FAM135A: variants seen among roughly 807,000 people sequenced by gnomAD.
FAM135A encodes family with sequence similarity 135 member A, also known as protein FAM135A.
In FAM135A, 79 loss-of-function variants were observed where a neutral mutation model predicts 146.8. The ratio of observed to expected loss-of-function variants is 0.54; its 90% CI spans 0.45 to 0.65. The LOEUF (loss-of-function observed/expected upper bound fraction) is 0.65. FAM135A is among the 30% of genes least tolerant of loss of function. FAM135A has a pLI of 0.00. For synonymous variants in FAM135A, 562 were observed against 603.6 expected (o/e 0.93, Z 1.01); for missense variants, 1,623 against 1,758.2 (o/e 0.92, Z 1.38).
chr6:70,557,073 C>A (rs1800986407), intron 21 of FAM135A: 4 of 570,720 alleles, frequency 7.0e-6, no homozygotes, highest in Non-Finnish European at 6.2e-6. Flanking sequence ...CATCTAATTA[C>A]AAATGCCTCT....
At chr6:70,511,972 G>A (rs368228211) in intron 12 of FAM135A, among the ~76,000 whole-genome samples, 2 of 151,966 alleles carry the variant, frequency 1.3e-5, no homozygotes. Flanking sequence ...TCCTATACGC[G>A]ATCCATCATT....
Position 70,559,714 on chromosome 6 carries a change from A to G in FAM135A, c.4343-2A>G. ...TTTTCCTTTTTTCTGTTGGTTCCAT[A>G]GGACAGATCTATTCAGAAATGATCC... On this transcript the variant is annotated splice_acceptor_variant, in intron 21 of 21. Transcript: ENST00000418814. LOFTEE classifies it high-confidence loss of function. 1 of 1,608,180 alleles carries G rather than the reference A, an allele frequency of 6.2e-7. No individual in the cohort carries two copies. The highest frequency in any genetic ancestry group is 8.5e-7 in the Non-Finnish European group (1 of 1,176,718).
intron 5 of FAM135A, among the ~76,000 whole-genome samples, chr6:70,457,520 C>T (rs1290585448): frequency 6.6e-6 from 1 of 152,164 alleles, no homozygotes; most frequent in East Asian, 1.9e-4. Flanking sequence ...TCAACATTGT[C>T]AGTTTTACCT....
intron 11 of FAM135A, among the ~76,000 whole-genome samples, chr6:70,499,403 A>G (rs1485996938): frequency 6.6e-6 from 1 of 152,168 alleles, no homozygotes; most frequent in African/African-American, 2.4e-5. Flanking sequence ...TCTCTTGAAT[A>G]CAGCACACCA....
chr6:70,450,297 CT>C (rs1442971723), intron 4 of FAM135A, among the ~76,000 whole-genome samples: 4 of 152,032 alleles, frequency 2.6e-5, no homozygotes, highest in African/African-American at 7.2e-5. Context: ...TCTATGTTTG[CT>C]TTTGTTGCCT....
At chr6:70,545,578 T>G (rs1798709208) in intron 20 of FAM135A, among the ~76,000 whole-genome samples, 1 of 151,922 alleles carries the variant, frequency 6.6e-6, no homozygotes, top group African/African-American at 2.4e-5. Context: ...ATCCTGCCAC[T>G]ATACTCCAGC....
intron 20 of FAM135A, among the ~76,000 whole-genome samples, chr6:70,552,719 C>T (rs1038220504): frequency 9.2e-5 from 14 of 151,950 alleles, no homozygotes; most frequent in Non-Finnish European, 1.6e-4. Context: ...CCACCCAGCT[C>T]GGCCTCCCAA....
At chr6:70,445,998 A>T (rs1181474500) in intron 4 of FAM135A, among the ~76,000 whole-genome samples, 2 of 152,254 alleles carry the variant, frequency 1.3e-5, no homozygotes, top group African/African-American at 4.8e-5. Context: ...TTAAAAGCAC[A>T]ATCATCATTG....
At chr6:70,487,296 T>C (rs909926069) in intron 10 of FAM135A, among the ~76,000 whole-genome samples, 2 of 152,088 alleles carry the variant, frequency 1.3e-5, no homozygotes, top group South Asian at 4.1e-4. Flanking sequence ...GATCTCATTA[T>C]TTTATTATAC....
intron 4 of FAM135A, among the ~76,000 whole-genome samples, chr6:70,449,443 ACT>A (rs1776563807): frequency 6.6e-6 from 1 of 151,646 alleles, no homozygotes; most frequent in African/African-American, 2.4e-5. Context: ...ACACCATTCT[ACT>A]CTCTGCTTCT....
chr6:70,428,464 CAGTTTA>C (rs1341276729), intron 4 of FAM135A, 45 bp downstream of exon 4: 2 of 1,324,616 alleles, frequency 1.5e-6, no homozygotes, highest in East Asian at 2.5e-5. Context: ...ATAAGATGTA[CAGTTTA>C]AATTTAAATT....
chr6:70,428,465 A>G (rs753274486), intron 4 of FAM135A, 46 bp downstream of exon 4: 1 of 1,311,450 alleles, frequency 7.6e-7, no homozygotes, highest in African/African-American at 1.5e-5. Flanking sequence ...TAAGATGTAC[A>G]GTTTAAATTT....
chr6:70,538,596 CAT>C lies in FAM135A; in HGVS notation c.4228+196_4228+197del, dbSNP rs1465942438. 1.1e-4 allele frequency among the ~76,000 whole-genome samples: 17 copies of C among 152,014 alleles called. No homozygotes were observed. The East Asian group carries it at 3.1e-3, about 28-fold the overall frequency. Reference sequence around the variant, plus strand: ...AAAGAGATTTCTTTAGTCTTTTTCACATGACTGTATTTCTCTTTTGTGAGCTA... The same window carrying C: ...AAAGAGATTTCTTTAGTCTTTTTCACGACTGTATTTCTCTTTTGTGAGCTA... On this transcript the variant is annotated intron_variant, in intron 20 of 21. Coordinates refer to ENST00000418814, the MANE Select transcript of FAM135A (RefSeq NM_001162529.3).
rs369827630 is a variant in FAM135A at position 70,538,920 on chromosome 6, C to T, written c.4228+519C>T. 6.9e-5 allele frequency among the ~76,000 whole-genome samples: 8 copies of T among 116,666 alleles called. 1 individual carries two copies. Among genetic ancestry groups the T allele is most frequent in the Admixed American group, 2.4e-4 (3 of 12,578 alleles). The allele number at this position is 116,666 out of a possible 152,430, so 76.5% of individuals were successfully genotyped here. A position where few individuals can be genotyped will look rare whatever the true frequency, so the allele number is the denominator to read the frequency against. On this transcript the variant is annotated intron_variant, in intron 20 of 21. Transcript: ENST00000418814. ...AAACTATTAATGATTATCCTTTCTACAATTCTCACTACTGGATAAATCTTA... is the reference window on the plus strand; with the variant it reads ...AAACTATTAATGATTATCCTTTCTATAATTCTCACTACTGGATAAATCTTA...
At position 70,474,477 on chromosome 6, in the gene FAM135A, A is replaced by T. The variant is rs185679233; in HGVS notation, c.158-933A>T. ...CTGCAAGCTACCCACAGCTGTGAAGAGCTGGCTACAAATCTGGGGGTTCCC... is the reference window on the plus strand; with the variant it reads ...CTGCAAGCTACCCACAGCTGTGAAGTGCTGGCTACAAATCTGGGGGTTCCC... On this transcript the variant is annotated intron_variant, in intron 5 of 21. Coordinates refer to ENST00000418814, the MANE Select transcript of FAM135A (RefSeq NM_001162529.3). 2.0e-5 allele frequency among the ~76,000 whole-genome samples: 3 copies of T among 152,292 alleles called. No individual in the cohort carries two copies. In the East Asian group the frequency reaches 5.8e-4, roughly 29 times the overall value.
intron 11 of FAM135A, among the ~76,000 whole-genome samples, chr6:70,495,585 A>T (rs903531794): frequency 7.2e-5 from 11 of 152,196 alleles, no homozygotes; most frequent in Admixed American, 2.0e-4. Flanking sequence ...TGTGATAAGC[A>T]GCCTTTGGGG....
At chr6:70,532,163 A>G (rs1033280551) in intron 16 of FAM135A, among the ~76,000 whole-genome samples, 3 of 152,100 alleles carry the variant, frequency 2.0e-5, no homozygotes, top group South Asian at 4.1e-4. Context: ...GGCGTGAGCC[A>G]CCGTGCCCGG....
intron 20 of FAM135A, among the ~76,000 whole-genome samples, chr6:70,545,256 C>CA (rs1798653167): frequency 6.6e-6 from 1 of 151,990 alleles, no homozygotes; most frequent in Non-Finnish European, 1.5e-5. Context: ...TCTTTGTACT[C>CA]ACGAGTTTAT....
chr6:70,560,548 G>A lies in FAM135A; in HGVS notation c.*627G>A, dbSNP rs1801724851. On this transcript the variant is annotated 3_prime_UTR_variant, in exon 22 of 22. Transcript: ENST00000418814. ...TGCCTATTAAAATATATTTTCTACT[G>A]GTGATTTCAACATTATTTCTCATAC... is the stretch of plus-strand genomic sequence containing the variant. 1 of 152,306 alleles carries A rather than the reference G, an allele frequency of 6.6e-6. No individual in the cohort carries two copies. Among genetic ancestry groups the A allele is most frequent in the East Asian group, 1.9e-4 (1 of 5,202 alleles). 9.4% of individuals were successfully genotyped at this position (152,306 alleles called of 1,614,324 possible).
Sources: gnomAD v4.1 joint callset for allele counts (sites outside exome capture counted in the v4.1 genomes callset) on GRCh38, gnomAD v4.1.1 for gene constraint, MANE v1.5 for transcripts, NCBI Gene and HGNC (gene_info 2026-07-23, HGNC 2026-07-21) for gene names.